The following WDPCP variants were observed in gnomAD, a reference collection of about 807,000 sequenced individuals.
WDPCP encodes the protein WD repeat containing planar cell polarity effector.
Under a neutral mutation model 93.1 loss-of-function variants are expected in WDPCP, and 71 were observed. The observed-to-expected ratio is 0.76, with a 90% confidence interval of 0.63 to 0.93. The LOEUF (loss-of-function observed/expected upper bound fraction) is 0.93. Among genes scored for constraint, WDPCP ranks in the 40% least tolerant of loss-of-function variants. The pLI, the probability that WDPCP is intolerant of heterozygous loss-of-function variation, is 0.00. For missense variants in WDPCP, 844 were observed against 887.4 expected (o/e 0.95, Z 0.62); for synonymous variants, 315 against 315.0 (o/e 1.00, Z 0.00).
intron 14 of WDPCP, among the ~76,000 whole-genome samples, chr2:63,240,795 A>G (rs1679802055): frequency 6.6e-6 from 1 of 152,216 alleles, no homozygotes; most frequent in African/African-American, 2.4e-5. Context: ...TGTCTCAGAA[A>G]GAAAAACAGA....
intron 6 of WDPCP, among the ~76,000 whole-genome samples, chr2:63,465,748 T>A (rs761040533): frequency 6.6e-6 from 1 of 152,168 alleles, no homozygotes; most frequent in Non-Finnish European, 1.5e-5. Flanking sequence ...AAATTGGACA[T>A]CCTCACCCTA....
intron 14 of WDPCP, among the ~76,000 whole-genome samples, chr2:63,231,680 A>G (rs1678899762): frequency 6.6e-6 from 1 of 152,208 alleles, no homozygotes; most frequent in South Asian, 2.1e-4. Context: ...GAAATAAAAG[A>G]GGACACAAAC....
intron 1 of WDPCP, among the ~76,000 whole-genome samples, chr2:63,563,222 GAC>G (rs1348197469): frequency 1.3e-5 from 2 of 151,960 alleles, no homozygotes; most frequent in Non-Finnish European, 2.9e-5. Flanking sequence ...GAACAAGTGA[GAC>G]ACAGAACAGC....
chr2:63,706,183 A>G (rs1669148375), intron 2 of WDPCP, among the ~76,000 whole-genome samples: 1 of 146,608 alleles, frequency 6.8e-6, no homozygotes, highest in Non-Finnish European at 1.6e-5. Flanking sequence ...TTTTGAGCCT[A>G]CGTGTGTCTC....
chr2:63,373,943 A>G (rs1691624091), intron 12 of WDPCP, among the ~76,000 whole-genome samples: 1 of 151,852 alleles, frequency 6.6e-6, no homozygotes, highest in Non-Finnish European at 1.5e-5. Flanking sequence ...CTTCTGATTT[A>G]TATGTTGTTA....
chr2:63,154,859 G>A (rs1672128347), intron 15 of WDPCP, among the ~76,000 whole-genome samples: 1 of 152,242 alleles, frequency 6.6e-6, no homozygotes, highest in Non-Finnish European at 1.5e-5. Context: ...GTGTACAGAG[G>A]TATCTATCTC....
intron 3 of WDPCP, among the ~76,000 whole-genome samples, chr2:63,638,478 T>A (rs2106634365): frequency 6.6e-6 from 1 of 152,178 alleles, no homozygotes; most frequent in Middle Eastern, 3.4e-3. Context: ...CAATTATACC[T>A]CAATAAAGCT....
chr2:63,202,164 T>TTA (rs912578037), intron 14 of WDPCP, among the ~76,000 whole-genome samples: 30 of 151,906 alleles, frequency 2.0e-4, no homozygotes, highest in Admixed American at 1.1e-3. Flanking sequence ...CTCAATCATT[T>TTA]TATATATATA....
chr2:63,770,449 T>C (rs1670207589), intron 2 of WDPCP, among the ~76,000 whole-genome samples: 1 of 151,972 alleles, frequency 6.6e-6, no homozygotes, highest in African/African-American at 2.4e-5. Context: ...ATTATCTGTA[T>C]TCAACTATTT....
At chr2:63,633,581 T>A (rs1709887374) in intron 3 of WDPCP, among the ~76,000 whole-genome samples, 1 of 151,700 alleles carries the variant, frequency 6.6e-6, no homozygotes, top group African/African-American at 2.4e-5. Flanking sequence ...AAAGTACAAA[T>A]CTATAGTAGA....
intron 2 of WDPCP, among the ~76,000 whole-genome samples, chr2:63,718,076 A>C (rs1053047516): frequency 2.6e-5 from 4 of 152,100 alleles, no homozygotes; most frequent in African/African-American, 9.7e-5. Context: ...TAAACAATGA[A>C]TAGTGATCCC....
At chr2:63,666,561 T>C (rs935774781) in intron 2 of WDPCP, among the ~76,000 whole-genome samples, 4 of 152,194 alleles carry the variant, frequency 2.6e-5, no homozygotes, top group African/African-American at 9.7e-5. Flanking sequence ...CCTGCAGAAC[T>C]GAATTTTGTG....
intron 14 of WDPCP, among the ~76,000 whole-genome samples, chr2:63,240,968 A>C (rs2104639289): frequency 6.6e-6 from 1 of 152,344 alleles, no homozygotes; most frequent in South Asian, 2.1e-4. Flanking sequence ...AAATATGTTA[A>C]ATAACATTTA....
intron 2 of WDPCP, among the ~76,000 whole-genome samples, chr2:63,738,424 C>T (rs1380164885): frequency 7.5e-6 from 1 of 133,546 alleles, no homozygotes; most frequent in East Asian, 2.0e-4. Context: ...ACCACCCCCA[C>T]TCCTTCTCCT....
intron 14 of WDPCP, among the ~76,000 whole-genome samples, chr2:63,239,245 G>A (rs867844365): frequency 6.6e-6 from 1 of 152,068 alleles, no homozygotes; most frequent in Non-Finnish European, 1.5e-5. Flanking sequence ...ACGGAGTCTC[G>A]CTCTTTCACC....
intron 3 of WDPCP, chr2:63,644,121 C>A (rs1710018577): frequency 8.9e-6 from 3 of 335,854 alleles, no homozygotes; most frequent in South Asian, 7.6e-5. Flanking sequence ...AGAATTTTTG[C>A]ATCAATGTTC....
intron 14 of WDPCP, among the ~76,000 whole-genome samples, chr2:63,213,106 T>C (rs933296334): frequency 2.0e-5 from 3 of 152,084 alleles, no homozygotes; most frequent in Non-Finnish European, 4.4e-5. Flanking sequence ...TTGAACTCAA[T>C]TCTGCACCAA....
At chr2:63,153,096 A>G in intron 16 of WDPCP, 151 bp from the exon 17 acceptor site, 1 of 663,902 alleles carries the variant, frequency 1.5e-6, no homozygotes, top group Non-Finnish European at 2.6e-6. Flanking sequence ...AAACCTTAAC[A>G]TAGTATGAAA....
rs1696796327 is a variant in WDPCP at position 63,431,990 on chromosome 2, GA to G, written c.825+1754del. ...TAATTTTCTATAAACACCAATTGTG[GA>G]AAAAAAAGGAAAAAAACAACCCTTT... On this transcript the variant is annotated intron_variant, in intron 9 of 17. Coordinates refer to ENST00000272321, the MANE Select transcript of WDPCP (RefSeq NM_015910.7). 2.0e-5 allele frequency among the ~76,000 whole-genome samples: 3 copies of G among 150,750 alleles called. No individual in the cohort carries two copies. In the South Asian group the frequency reaches 6.3e-4, roughly 32 times the overall value.
Sources: gnomAD v4.1 joint callset for allele counts (sites outside exome capture counted in the v4.1 genomes callset) on GRCh38, gnomAD v4.1.1 for gene constraint, MANE v1.5 for transcripts, NCBI Gene and HGNC (gene_info 2026-07-23, HGNC 2026-07-21) for gene names.